SLC60A1: variants seen among roughly 807,000 people sequenced by gnomAD.
The protein encoded by SLC60A1 is major facilitator superfamily domain containing 4.
At chr1:205,585,726 G>A in the SLC60A1 span, among the ~76,000 whole-genome samples, 1 of 150,372 alleles carries the variant, frequency 6.7e-6, no homozygotes, top group African/African-American at 2.5e-5. This position sits in a 1 kb window ranked among gnomAD's most constrained non-coding sequence, Gnocchi z 4.2. Context: ...TCTGGTTGAA[G>A]TGGGGAGCAG....
chr1:205,592,255 T>C, the SLC60A1 span: 2 of 1,612,116 alleles, frequency 1.2e-6, no homozygotes, highest in Non-Finnish European at 1.7e-6. Flanking sequence ...CCCAGCATGC[T>C]GGCCTACACG....
the SLC60A1 span, among the ~76,000 whole-genome samples, chr1:205,596,664 T>C: frequency 0.015 from 2,211 of 146,012 alleles, 45 homozygotes; most frequent in African/African-American, 0.053. Flanking sequence ...GAGGTGAGAG[T>C]TACGGAGGGT....
At chr1:205,585,984 TTGTC>T in the SLC60A1 span, 1 of 1,519,544 alleles carries the variant, frequency 6.6e-7, no homozygotes, top group South Asian at 1.3e-5. The surrounding 1 kb of genome is among the most constrained non-coding windows in gnomAD (Gnocchi z 4.2). Context: ...GTGAGGGTCA[TTGTC>T]TGGCTGGGCT....
At chr1:205,599,110 C>A in the SLC60A1 span, 2 of 1,613,502 alleles carry the variant, frequency 1.2e-6, no homozygotes, top group Non-Finnish European at 1.7e-6. Flanking sequence ...GTCTGTCTCT[C>A]TGTGTTTTCC....
At chr1:205,594,238 C>T in the SLC60A1 span, among the ~76,000 whole-genome samples, 1 of 152,238 alleles carries the variant, frequency 6.6e-6, no homozygotes, top group Non-Finnish European at 1.5e-5. Context: ...CCCTCAGACT[C>T]CTCCCTCACG....
chr1:205,585,302 G>A, the SLC60A1 span, among the ~76,000 whole-genome samples: 23 of 152,218 alleles, frequency 1.5e-4, no homozygotes, highest in African/African-American at 4.8e-4. The surrounding 1 kb of genome is among the most constrained non-coding windows in gnomAD (Gnocchi z 4.2). Context: ...AAGGGGTGGT[G>A]CCCTATTCCC....
the SLC60A1 span, among the ~76,000 whole-genome samples, chr1:205,572,558 C>A: frequency 2.0e-5 from 3 of 152,296 alleles, no homozygotes; most frequent in Non-Finnish European, 4.4e-5. Flanking sequence ...TTGCACCAAA[C>A]CCTGTCTTCC....
chr1:205,599,106 C>T, the SLC60A1 span: 1 of 1,613,028 alleles, frequency 6.2e-7, no homozygotes, highest in African/African-American at 1.3e-5. Context: ...AATTGTCTGT[C>T]TCTCTGTGTT....
At chr1:205,599,279 G>A in the SLC60A1 span, 2 of 1,612,554 alleles carry the variant, frequency 1.2e-6, no homozygotes, top group Non-Finnish European at 1.7e-6. Flanking sequence ...TTCTACACAA[G>A]AGGAGGAAAA....
chr1:205,592,427 C>T, the SLC60A1 span: 1 of 931,596 alleles, frequency 1.1e-6, no homozygotes. Context: ...TACATGTGCA[C>T]AACGTGCAGG....
the SLC60A1 span, chr1:205,584,257 C>T: frequency 3.4e-5 from 36 of 1,046,338 alleles, no homozygotes; most frequent in East Asian, 3.5e-4. Context: ...GTTTCACTCT[C>T]GTCGCCCAGG....
the SLC60A1 span, chr1:205,584,101 C>T: frequency 5.6e-6 from 9 of 1,613,928 alleles, no homozygotes; most frequent in East Asian, 2.0e-4. Flanking sequence ...CCTCACTGCC[C>T]CCAAAGTTTC....
At chr1:205,580,763 A>T in the SLC60A1 span, 130 of 1,613,952 alleles carry the variant, frequency 8.1e-5, no homozygotes, top group Middle Eastern at 4.9e-4. The surrounding 1 kb of genome is among the most constrained non-coding windows in gnomAD (Gnocchi z 5.0). Flanking sequence ...CACGGCCAAC[A>T]CCACCTCCCG....
At chr1:205,579,747 G>A in the SLC60A1 span, 15 of 1,613,882 alleles carry the variant, frequency 9.3e-6, no homozygotes, top group Non-Finnish European at 1.2e-5. Flanking sequence ...CTTCCCTCCT[G>A]CAGCCTGGCC....
chr1:205,575,160 A>G, the SLC60A1 span, among the ~76,000 whole-genome samples: 1 of 152,152 alleles, frequency 6.6e-6, no homozygotes, highest in Non-Finnish European at 1.5e-5. Context: ...CAGGTCCCCA[A>G]ACCATCTCCT....
chr1:205,579,853 C>T, the SLC60A1 span: 2 of 1,614,192 alleles, frequency 1.2e-6, no homozygotes, highest in Middle Eastern at 1.6e-4. Context: ...TGGCCTCAGT[C>T]ATGGCGCTGG....
the SLC60A1 span, among the ~76,000 whole-genome samples, chr1:205,580,272 C>T: frequency 6.6e-6 from 1 of 152,096 alleles, no homozygotes; most frequent in African/African-American, 2.4e-5. The surrounding 1 kb of genome is among the most constrained non-coding windows in gnomAD (Gnocchi z 5.0). Context: ...TCAGCCAGCC[C>T]TTCCCTTTTT....
the SLC60A1 span, among the ~76,000 whole-genome samples, chr1:205,591,838 G>A: frequency 1.6e-3 from 244 of 152,308 alleles, 4 homozygotes; most frequent in East Asian, 0.042. Flanking sequence ...AAGACCTTGG[G>A]GACAGGTAGT....
At chr1:205,596,528 G>C in the SLC60A1 span, among the ~76,000 whole-genome samples, 7 of 113,874 alleles carry the variant, frequency 6.1e-5, no homozygotes, top group African/African-American at 1.9e-4. Flanking sequence ...CTGGGCGACA[G>C]AGCAAGACTC....
Sources: gnomAD v4.1 joint callset for allele counts (sites outside exome capture counted in the v4.1 genomes callset) on GRCh38, gnomAD v4.1.1 for gene constraint, Gnocchi (gnomAD v3.1) non-coding constraint, MANE v1.5 for transcripts, NCBI Gene and HGNC (gene_info 2026-07-23, HGNC 2026-07-21) for gene names.